The following GMCL1 variants were observed in gnomAD, a reference collection of about 807,000 sequenced individuals.
The protein encoded by GMCL1 is germ cell-less protein-like 1.
In GMCL1, 54 loss-of-function variants were observed where a neutral mutation model predicts 75.5. The ratio of observed to expected loss-of-function variants is 0.71; its 90% CI spans 0.57 to 0.90. The LOEUF is 0.90. Ranked by LOEUF, GMCL1 falls within the 40% of genes least tolerant of loss-of-function variation. GMCL1 has a pLI of 0.00. For missense variants in GMCL1, 537 were observed against 622.7 expected (o/e 0.86, Z 1.47); for synonymous variants, 210 against 209.6 (o/e 1.00, Z -0.02).
At chr2:69,847,519 A>C (rs1675188038) in intron 6 of GMCL1, 24 bp from the exon 7 acceptor site, 1 of 1,426,140 alleles carries the variant, frequency 7.0e-7, no homozygotes, top group South Asian at 1.1e-5. Flanking sequence ...AGATAAGCTC[A>C]CTCCCTCTAT....
intron 6 of GMCL1, chr2:69,844,544 CTTTT>C (rs34141260): frequency 0.074 from 9,809 of 132,176 alleles, 854 homozygotes; most frequent in Admixed American, 0.23. Context: ...CTGTTTTGGC[CTTTT>C]TTTTTTTTTT....
At chr2:69,873,375 A>G (rs1676037328) in intron 13 of GMCL1, among the ~76,000 whole-genome samples, 1 of 152,200 alleles carries the variant, frequency 6.6e-6, no homozygotes, top group African/African-American at 2.4e-5. Context: ...TGTTGTCGAA[A>G]AAATAGAAAA....
At chr2:69,878,587 A>G (rs1398592917) in intron 13 of GMCL1, among the ~76,000 whole-genome samples, 2 of 152,268 alleles carry the variant, frequency 1.3e-5, no homozygotes, top group African/African-American at 4.8e-5. Flanking sequence ...TGTTGACAAA[A>G]TATGTAAGTA....
intron 1 of GMCL1, among the ~76,000 whole-genome samples, chr2:69,833,973 C>G (rs955141257): frequency 2.6e-5 from 4 of 152,164 alleles, no homozygotes; most frequent in African/African-American, 9.7e-5. Context: ...CTTGATGGGT[C>G]CAGTGTCACA....
chr2:69,842,657 C>T (rs1675017694), intron 4 of GMCL1: 1 of 152,126 alleles, frequency 6.6e-6, no homozygotes, highest in East Asian at 1.9e-4. Flanking sequence ...TAATGTTAAT[C>T]ATTTGAAATA....
At chr2:69,850,747 C>T (rs1417868592) in intron 8 of GMCL1, among the ~76,000 whole-genome samples, 1 of 152,198 alleles carries the variant, frequency 6.6e-6, no homozygotes, top group East Asian at 1.9e-4. Flanking sequence ...TCTTAATTCC[C>T]ATGGTACAAA....
chr2:69,856,875 T>A (rs1193962611), intron 9 of GMCL1, among the ~76,000 whole-genome samples: 1 of 152,026 alleles, frequency 6.6e-6, no homozygotes, highest in Non-Finnish European at 1.5e-5. Context: ...TTACTGTCTA[T>A]TTCTCCCCCA....
chr2:69,858,877 G>A (rs142560550), intron 9 of GMCL1, among the ~76,000 whole-genome samples: 2,173 of 152,204 alleles, frequency 0.014, 33 homozygotes, highest in Middle Eastern at 0.051. Flanking sequence ...GCCGGGTGTG[G>A]TGGCTCACGC....
At chr2:69,836,230 C>T (rs1012446597) in intron 1 of GMCL1, among the ~76,000 whole-genome samples, 8 of 152,164 alleles carry the variant, frequency 5.3e-5, no homozygotes, top group Non-Finnish European at 1.2e-4. Flanking sequence ...TGTCACTGTT[C>T]TTTTTCATTT....
intron 9 of GMCL1, among the ~76,000 whole-genome samples, chr2:69,856,640 CTTTTTTTT>C (rs34707640): frequency 2.2e-5 from 2 of 89,794 alleles, no homozygotes; most frequent in Admixed American, 1.2e-4. Context: ...CTCTTCCCTC[CTTTTTTTT>C]TTTTTTTTTT....
chr2:69,836,420 C>T (rs539495507), intron 1 of GMCL1, among the ~76,000 whole-genome samples: 20 of 152,276 alleles, frequency 1.3e-4, no homozygotes, highest in Non-Finnish European at 2.2e-4. Context: ...ACTACATTGT[C>T]TCTTGATTTC....
chr2:69,835,578 A>G lies in GMCL1; in HGVS notation c.261-1969A>G, dbSNP rs1198332855. On this transcript the variant is annotated intron_variant, in intron 1 of 13. Coordinates refer to ENST00000282570, the MANE Select transcript of GMCL1 (RefSeq NM_178439.5). ...CAATGTACCTCTTCTTTGAGTAAGA[A>G]GACTACGAAGTTGGTTATAGGTGGG... 2.0e-5 allele frequency among the ~76,000 whole-genome samples: 3 copies of G among 152,128 alleles called. No individual in the cohort carries two copies. The East Asian group carries it at 5.8e-4, about 29-fold the overall frequency.
At chr2:69,837,090 A>G (rs960500575) in intron 1 of GMCL1, among the ~76,000 whole-genome samples, 1 of 152,240 alleles carries the variant, frequency 6.6e-6, no homozygotes, top group Non-Finnish European at 1.5e-5. Context: ...AAATTATTTT[A>G]AAATTACTTG....
chr2:69,877,325 G>A (rs907763957), intron 13 of GMCL1, among the ~76,000 whole-genome samples: 4 of 152,082 alleles, frequency 2.6e-5, no homozygotes, highest in African/African-American at 4.8e-5. Flanking sequence ...TGATATCCAC[G>A]TGCCTTCCTT....
chr2:69,843,259 A>G lies in GMCL1; in HGVS notation c.690A>G (p.Lys230=), dbSNP rs72895274. The G allele has an allele frequency of 1.0e-3, 1,587 of 1,536,440 alleles. 16 individuals are homozygous for G. The African/African-American group carries it at 0.02, about 19-fold the overall frequency. ...CCTATGGATTAGATTCTGTAAAGAA[A>G]AAGTGAGTTGCCTTTCTTGTTTTTC... ...AGTYGLDSVK[K]KCLEWLLNNL... is the part of the protein sequence containing the mutation. The change falls in exon 5 of 14, where the codon AAA becomes AAG. Residue 230 remains lysine (K), a splice_region_variant and synonymous_variant. Transcript: ENST00000282570.
intron 2 of GMCL1, among the ~76,000 whole-genome samples, chr2:69,838,171 T>G (rs1287653290): frequency 2.0e-5 from 3 of 151,680 alleles, no homozygotes; most frequent in African/African-American, 7.3e-5. Flanking sequence ...CACCCCACTT[T>G]AAAAATTCAG....
intron 7 of GMCL1, 32 bp from the exon 8 acceptor site, chr2:69,849,620 A>C: frequency 7.7e-7 from 1 of 1,304,660 alleles, no homozygotes. Context: ...AAATTTCATA[A>C]TTGTTTTCTT....
At chr2:69,852,500 C>T (rs1410384836) in intron 8 of GMCL1, among the ~76,000 whole-genome samples, 1 of 147,192 alleles carries the variant, frequency 6.8e-6, no homozygotes, top group African/African-American at 2.6e-5. Context: ...AGAAAAATCA[C>T]CTGTGATCCC....
At chr2:69,867,750 A>G (rs1025121438) in intron 11 of GMCL1, among the ~76,000 whole-genome samples, 1 of 152,174 alleles carries the variant, frequency 6.6e-6, no homozygotes, top group Non-Finnish European at 1.5e-5. Flanking sequence ...AAAGACAAAC[A>G]CCGTACCCCA....
Sources: gnomAD v4.1 joint callset for allele counts (sites outside exome capture counted in the v4.1 genomes callset) on GRCh38, gnomAD v4.1.1 for gene constraint, MANE v1.5 for transcripts, NCBI Gene and HGNC (gene_info 2026-07-23, HGNC 2026-07-21) for gene names.